Variants in PSD2 observed in about 807,000 individuals in gnomAD.
PSD2 encodes the protein PH and SEC7 domain-containing protein 2.
A neutral mutation model predicts 69.8 loss-of-function variants in PSD2; 38 were observed. The observed-to-expected ratio is 0.54, with a 90% CI of 0.42 to 0.71. The LOEUF (loss-of-function observed/expected upper bound fraction) is 0.71. Among genes scored for constraint, PSD2 ranks in the 30% least tolerant of loss-of-function variants. The probability of loss-of-function intolerance (pLI) is 0.00; values close to 1 mark genes in which losing one functional copy is unlikely to be tolerated. For synonymous variants in PSD2, 412 were observed against 423.0 expected, an observed-to-expected ratio of 0.97 and a Z score of 0.32; for missense variants, 943 against 1,014.5, an observed-to-expected ratio of 0.93 and a Z score of 0.96.
At chr5:139,809,845 A>G (rs1385233342) in intron 2 of PSD2, 34 bp downstream of exon 2, 6 of 1,608,284 alleles carry the variant, frequency 3.7e-6, no homozygotes, top group South Asian at 1.1e-5. Context: ...AGCTCACCAC[A>G]TTTGGCTGTT....
intron 1 of PSD2, among the ~76,000 whole-genome samples, chr5:139,797,751 G>A (rs1197681316): frequency 6.6e-6 from 1 of 152,174 alleles, no homozygotes; most frequent in African/African-American, 2.4e-5. Flanking sequence ...CCATTTTGTG[G>A]TAGAGCTGTT....
the PSD2 span, among the ~76,000 whole-genome samples, chr5:139,751,224 G>T: frequency 6.6e-6 from 1 of 152,118 alleles, no homozygotes; most frequent in Non-Finnish European, 1.5e-5. Flanking sequence ...AGTCTTCTGG[G>T]ACTCAAGACA....
At chr5:139,826,680 G>A (rs1229253929) in intron 7 of PSD2, among the ~76,000 whole-genome samples, 1 of 152,202 alleles carries the variant, frequency 6.6e-6, no homozygotes, top group Non-Finnish European at 1.5e-5. Flanking sequence ...ACACCCACTA[G>A]CTTTAAAAAT....
intron 7 of PSD2, among the ~76,000 whole-genome samples, chr5:139,832,003 G>A (rs1029786242): frequency 6.6e-6 from 1 of 152,038 alleles, no homozygotes; most frequent in Non-Finnish European, 1.5e-5. Context: ...AGGTGCTTCG[G>A]GGAGGAATGC....
chr5:139,752,239 C>T, the PSD2 span, among the ~76,000 whole-genome samples: 100 of 152,176 alleles, frequency 6.6e-4, no homozygotes, highest in African/African-American at 2.3e-3. Flanking sequence ...CTCTCTCTGC[C>T]GGCCCATAAT....
In PSD2 at chr5:139,838,610, TC is replaced by T. The variant is rs1030792521; in HGVS notation, c.1824-13del. ...TCCTGTGTGAGAGGCCGGCACCCTCTCCCCCTCCTGTCCCCAGGAGCAAGGA... is the reference window on the plus strand; with the variant it reads ...TCCTGTGTGAGAGGCCGGCACCCTCTCCCCTCCTGTCCCCAGGAGCAAGGA... On this transcript the variant is annotated splice_polypyrimidine_tract_variant and intron_variant, in intron 12 of 14. Coordinates refer to ENST00000274710, the MANE Select transcript of PSD2 (RefSeq NM_032289.4). 47 of 1,605,838 alleles carry T rather than the reference TC, an allele frequency of 2.9e-5. No individual in the cohort carries two copies. Among genetic ancestry groups the T allele is most frequent in the Non-Finnish European group, 3.9e-5 (46 of 1,173,880 alleles).
At chr5:139,787,019 G>A in the PSD2 span, among the ~76,000 whole-genome samples, 1 of 152,142 alleles carries the variant, frequency 6.6e-6, no homozygotes, top group East Asian at 1.9e-4. Flanking sequence ...ACACCTCCAC[G>A]AGCATCCGAA....
chr5:139,766,421 C>T, the PSD2 span, among the ~76,000 whole-genome samples: 2 of 152,198 alleles, frequency 1.3e-5, no homozygotes, highest in South Asian at 4.1e-4. Context: ...GTTTCTCAGT[C>T]TTCAGCAGTC....
the PSD2 span, among the ~76,000 whole-genome samples, chr5:139,744,432 G>C: frequency 6.6e-6 from 1 of 152,182 alleles, no homozygotes; most frequent in Non-Finnish European, 1.5e-5. Context: ...GGAGGACTGA[G>C]TGTCCCTGCT....
intron 2 of PSD2, among the ~76,000 whole-genome samples, chr5:139,811,386 C>T (rs912110552): frequency 2.0e-5 from 3 of 152,170 alleles, no homozygotes; most frequent in Admixed American, 2.0e-4. Context: ...CCTCCAAATA[C>T]AACTCAGTCT....
rs1760838764 is a variant in PSD2, at chr5:139,840,173, G to T, written c.2112+3G>T. 6.2e-7 allele frequency: 1 copy of T among 1,613,664 alleles called. No homozygotes were observed. The highest frequency in any genetic ancestry group is 1.7e-5 in the Admixed American group (1 of 59,990). On this transcript the variant is annotated splice_donor_region_variant and intron_variant, in intron 14 of 14. Transcript: ENST00000274710. ...AGGAGCACTATCTCACCTTCGAGGT[G>T]AGCCTTGGGGGACTGGATTGCAAAG...
chr5:139,829,303 T>C (rs1000295505), intron 7 of PSD2, among the ~76,000 whole-genome samples: 1 of 152,264 alleles, frequency 6.6e-6, no homozygotes, highest in African/African-American at 2.4e-5. Context: ...CTATATGTGT[T>C]GTAAAAATCA....
upstream of PSD2, among the ~76,000 whole-genome samples, chr5:139,792,911 T>TTCC (rs1561587861): frequency 1.1e-3 from 98 of 90,898 alleles, no homozygotes; most frequent in African/African-American, 2.1e-3. Context: ...TCCTTCCTTC[T>TTCC]TTCTTTCTTT....
chr5:139,797,396 G>T (rs1434670209), intron 1 of PSD2, among the ~76,000 whole-genome samples: 1 of 152,210 alleles, frequency 6.6e-6, no homozygotes, highest in Non-Finnish European at 1.5e-5. Context: ...GGTTGTCCTT[G>T]GAAGGCCTCC....
At chr5:139,795,237 G>C (rs1759487775), upstream of PSD2, among the ~76,000 whole-genome samples, 1 of 152,044 alleles carries the variant, frequency 6.6e-6, no homozygotes, top group Non-Finnish European at 1.5e-5. The surrounding 1 kb of genome is among the most constrained non-coding windows in gnomAD (Gnocchi z 4.5). Context: ...GTCCCGTCCC[G>C]TGTGACTCTA....
chr5:139,748,155 G>C, the PSD2 span, among the ~76,000 whole-genome samples: 3 of 152,016 alleles, frequency 2.0e-5, no homozygotes, highest in Non-Finnish European at 4.4e-5. Flanking sequence ...AGGAAAACTC[G>C]GCATTTGGAT....
chr5:139,748,332 A>G, the PSD2 span, among the ~76,000 whole-genome samples: 1 of 152,166 alleles, frequency 6.6e-6, no homozygotes. Flanking sequence ...TGTGCCTAAA[A>G]TACACATATT....
upstream of PSD2, among the ~76,000 whole-genome samples, chr5:139,794,943 G>A (rs976310179): frequency 6.6e-6 from 1 of 152,146 alleles, no homozygotes; most frequent in South Asian, 2.1e-4. Flanking sequence ...GCTGAGGGGG[G>A]CGGCTTCAGG....
chr5:139,766,951 T>C, the PSD2 span, among the ~76,000 whole-genome samples: 3 of 132,666 alleles, frequency 2.3e-5, no homozygotes, highest in East Asian at 2.1e-4. Flanking sequence ...CTTTCTTTCT[T>C]TCTTTCTTTC....
Sources: allele counts gnomAD v4.1 joint callset (sites outside exome capture counted in the v4.1 genomes callset), GRCh38; gene constraint gnomAD v4.1.1; non-coding constraint Gnocchi (gnomAD v3.1); transcripts MANE v1.5; gene names NCBI Gene and HGNC (gene_info 2026-07-23, HGNC 2026-07-21).